Variants in ALG9 observed in about 807,000 individuals in gnomAD.
ALG9 encodes the protein alpha-1,2-mannosyltransferase ALG9.
In ALG9, 55 loss-of-function variants were observed where a neutral mutation model predicts 81.8. That is an observed-to-expected ratio of 0.67 (90% CI 0.54 to 0.84). The LOEUF is 0.84. Ranked by LOEUF, ALG9 falls within the 40% of genes least tolerant of loss-of-function variation. ALG9 has a pLI of 0.00. For missense variants in ALG9, 629 were observed against 745.0 expected, an observed-to-expected ratio of 0.84 and a Z score of 1.81; for synonymous variants, 278 against 274.3, an observed-to-expected ratio of 1.01 and a Z score of -0.13.
At chr11:111,793,947 G>A (rs1011394587) in intron 14 of ALG9, among the ~76,000 whole-genome samples, 5 of 152,182 alleles carry the variant, frequency 3.3e-5, no homozygotes, top group Admixed American at 6.5e-5. Flanking sequence ...CACAGGCAGC[G>A]TGATTCAGGG....
downstream of ALG9, chr11:111,778,299 C>A (rs782368127): frequency 6.6e-6 from 1 of 152,226 alleles, no homozygotes; most frequent in Non-Finnish European, 1.5e-5. Context: ...TCAAATGACA[C>A]TGAATAGGTC....
At chr11:111,843,040 C>T (rs1956461157) in intron 9 of ALG9, among the ~76,000 whole-genome samples, 1 of 152,146 alleles carries the variant, frequency 6.6e-6, no homozygotes, top group Non-Finnish European at 1.5e-5. Context: ...CCACCGTAGC[C>T]TCCCGGGCAG....
At chr11:111,770,378 G>C in the ALG9 span, among the ~76,000 whole-genome samples, 4 of 152,186 alleles carry the variant, frequency 2.6e-5, no homozygotes, top group Non-Finnish European at 5.9e-5. Context: ...TGCTCAGGTA[G>C]AGTCTGAAAG....
intron 8 of ALG9, among the ~76,000 whole-genome samples, chr11:111,852,158 G>C (rs1268917292): frequency 6.6e-6 from 1 of 152,198 alleles, no homozygotes; most frequent in Non-Finnish European, 1.5e-5. Flanking sequence ...CAGGAGTACA[G>C]ATAGATATAA....
At chr11:111,793,195 T>C (rs1241816511) in intron 14 of ALG9, among the ~76,000 whole-genome samples, 4 of 152,050 alleles carry the variant, frequency 2.6e-5, no homozygotes, top group Non-Finnish European at 5.9e-5. Flanking sequence ...TTGCCCAGAC[T>C]AGTCTCAAAC....
rs1209324377 is a variant in ALG9, at chr11:111,785,968, C to A, written c.*429G>T. 1 of 452,718 alleles carries A rather than the reference C, an allele frequency of 2.2e-6. No homozygotes were observed. Among genetic ancestry groups the A allele is most frequent in the African/African-American group, 2.0e-5 (1 of 49,880 alleles). The allele number at this position is 452,718 out of a possible 1,614,324, so 28.0% of individuals were successfully genotyped here. A position where few individuals can be genotyped will look rare whatever the true frequency, so the allele number is the denominator to read the frequency against. ...TGCCAAACAGCTTTGGTGGAGAAGC[C>A]CATATGGCCTAAGAGAGGCTTGCTA... On this transcript the variant is annotated 3_prime_UTR_variant, in exon 15 of 15. Coordinates refer to ENST00000616540, the MANE Select transcript of ALG9 (RefSeq NM_024740.2).
chr11:111,865,319 C>A lies in ALG9; in HGVS notation c.406-68G>T, dbSNP rs898308549. ...AGCTAGAAAAACTCATAAACATGAA[C>A]CACTCTCATTTATTGTCAATAACAC... On this transcript the variant is annotated intron_variant, in intron 3 of 14. Transcript: ENST00000616540. 2.8e-5 allele frequency: 33 copies of A among 1,190,570 alleles called. No individual in the cohort carries two copies. In the African/African-American group the frequency reaches 4.6e-4, roughly 17 times the overall value. 73.8% of individuals were successfully genotyped at this position (1,190,570 alleles called of 1,614,324 possible).
In ALG9 at chr11:111,782,453, T is replaced by C. The variant is rs1946021570; in HGVS notation, c.*3944A>G. The C allele has an allele frequency of 6.6e-6, 1 of 152,656 alleles. No homozygotes were observed. Among genetic ancestry groups the C allele is most frequent in the African/African-American group, 2.4e-5 (1 of 41,454 alleles). 9.5% of individuals were successfully genotyped at this position (152,656 alleles called of 1,614,324 possible). On this transcript the variant is annotated 3_prime_UTR_variant, in exon 15 of 15. Coordinates refer to ENST00000616540, the MANE Select transcript of ALG9 (RefSeq NM_024740.2). The stretch of plus-strand genomic sequence containing the variant: ...CCAACGATGCCATACGGAAGTCTGA[T>C]CTTTCTGTTGCAAAAAAAATTAAAG...
chr11:111,869,588 C>T (rs1555156473), intron 2 of ALG9, among the ~76,000 whole-genome samples: 1 of 151,492 alleles, frequency 6.6e-6, no homozygotes, highest in African/African-American at 2.4e-5. Context: ...GTATTATTTT[C>T]ATTTAAAAAA....
chr11:111,773,062 C>T, the ALG9 span, among the ~76,000 whole-genome samples: 2 of 151,716 alleles, frequency 1.3e-5, no homozygotes, highest in African/African-American at 4.8e-5. Flanking sequence ...CATAGTGAAA[C>T]TCCCTCTCTA....
rs1008618775 is a variant in ALG9 at position 111,809,776 on chromosome 11, G to C, written c.1603-3C>G. 1 of 1,613,874 alleles carries C rather than the reference G, an allele frequency of 6.2e-7. No homozygotes were observed. Among genetic ancestry groups the C allele is most frequent in the East Asian group, 2.2e-5 (1 of 44,868 alleles). Reference sequence around the variant, plus strand: ...TAATGGCATTTACTGATATCAATCTGAAATGGAGAAAGGCCAACTCTTCAT... The same window carrying C: ...TAATGGCATTTACTGATATCAATCTCAAATGGAGAAAGGCCAACTCTTCAT... On this transcript the variant is annotated splice_polypyrimidine_tract_variant and splice_region_variant and intron_variant, in intron 13 of 14. Coordinates refer to ENST00000616540, the MANE Select transcript of ALG9 (RefSeq NM_024740.2).
rs1008067161 is a variant in ALG9 at position 111,836,216 on chromosome 11, C to T, written c.1551G>A (p.Arg517=). Residue 517 remains arginine, a synonymous_variant, in exon 13 of 15, where the codon CGG becomes CGA. Coordinates refer to ENST00000616540, the MANE Select transcript of ALG9 (RefSeq NM_024740.2). ...KPFAEGPLAT[R]IVPTDMNDQN... is the part of the protein sequence containing the mutation. The stretch of plus-strand genomic sequence containing the variant: ...GGTCATTCATGTCAGTAGGAACAAT[C>T]CGGGTGGCCAGAGGTCCTTCTGCAA... 3.3e-5 allele frequency: 53 copies of T among 1,613,912 alleles called. No individual in the cohort carries two copies. The highest frequency in any genetic ancestry group is 4.2e-5 in the Non-Finnish European group (49 of 1,179,954).
chr11:111,862,453 C>T (rs1447648831), intron 4 of ALG9, among the ~76,000 whole-genome samples: 1 of 151,676 alleles, frequency 6.6e-6, no homozygotes, highest in Non-Finnish European at 1.5e-5. Context: ...AGGCTGGTTT[C>T]GAACTCCTGA....
intron 4 of ALG9, 144 bp downstream of exon 4, chr11:111,865,037 A>T (rs1446481147): frequency 1.9e-6 from 1 of 536,040 alleles, no homozygotes; most frequent in Non-Finnish European, 3.1e-6. Flanking sequence ...TTGGCCTCCC[A>T]AAGTGCTGGG....
At chr11:111,858,387 A>G (rs1959049807) in intron 5 of ALG9, among the ~76,000 whole-genome samples, 1 of 152,196 alleles carries the variant, frequency 6.6e-6, no homozygotes, top group Non-Finnish European at 1.5e-5. Flanking sequence ...ATATGCTTTA[A>G]AAGACTTAGA....
intron 4 of ALG9, among the ~76,000 whole-genome samples, chr11:111,861,488 G>T (rs1042932124): frequency 6.6e-6 from 1 of 151,972 alleles, no homozygotes; most frequent in Non-Finnish European, 1.5e-5. Flanking sequence ...CTCCCACTCC[G>T]AGATAGAGTC....
Position 111,836,201 on chromosome 11 carries a change from G to A in ALG9, c.1566C>T (p.Asp522=). The A allele has an allele frequency of 1.9e-6, 3 of 1,614,008 alleles. No homozygotes were observed. The highest frequency in any genetic ancestry group is 2.5e-6 in the Non-Finnish European group (3 of 1,179,910). Reference sequence around the variant, plus strand: ...GCTCTTCTAGATTCTGGTCATTCATGTCAGTAGGAACAATCCGGGTGGCCA... The same window carrying A: ...GCTCTTCTAGATTCTGGTCATTCATATCAGTAGGAACAATCCGGGTGGCCA... ...GPLATRIVPT[D]MNDQNLEEPS... is the part of the protein sequence containing the mutation. Residue 522 remains aspartate, a synonymous_variant, in exon 13 of 15, where the codon GAC becomes GAT. Transcript: ENST00000616540.
At chr11:111,807,702 G>GCC (rs1950124356) in intron 14 of ALG9, among the ~76,000 whole-genome samples, 1 of 152,154 alleles carries the variant, frequency 6.6e-6, no homozygotes, top group Admixed American at 6.6e-5. Context: ...AGGGCCAGGT[G>GCC]TGGTGGCTTA....
intron 14 of ALG9, chr11:111,788,669 C>T (rs1946856668): frequency 2.8e-6 from 1 of 356,944 alleles, no homozygotes; most frequent in Non-Finnish European, 5.5e-6. Context: ...GGCATGAGAC[C>T]ATAAGCCCAG....
Sources: allele counts gnomAD v4.1 joint callset (sites outside exome capture counted in the v4.1 genomes callset), GRCh38; gene constraint gnomAD v4.1.1; transcripts MANE v1.5; gene names NCBI Gene and HGNC (gene_info 2026-07-23, HGNC 2026-07-21).